The following CDCP1 variants were observed in gnomAD, a reference collection of about 807,000 sequenced individuals.
CDCP1 encodes CUB domain containing protein 1.
Under a neutral mutation model 60.2 loss-of-function variants are expected in CDCP1, and 29 were observed. That is an observed-to-expected ratio of 0.48 (90% CI 0.36 to 0.66). The LOEUF is 0.66. CDCP1 is among the 30% of genes least tolerant of loss of function. The pLI, the probability that CDCP1 is intolerant of heterozygous loss-of-function variation, is 0.00. For missense variants in CDCP1, 876 were observed against 1,074.3 expected, an observed-to-expected ratio of 0.82 and a Z score of 2.58; for synonymous variants, 387 against 431.1, an observed-to-expected ratio of 0.90 and a Z score of 1.27.
chr3:45,143,321 G>C (rs1272927597), intron 1 of CDCP1, among the ~76,000 whole-genome samples: 1 of 152,150 alleles, frequency 6.6e-6, no homozygotes, highest in Non-Finnish European at 1.5e-5. Context: ...TGAGGATAAT[G>C]GTTCATCCTT....
intron 7 of CDCP1, among the ~76,000 whole-genome samples, 163 bp from the exon 8 acceptor site, chr3:45,089,304 T>A (rs1698252141): frequency 6.6e-6 from 1 of 152,210 alleles, no homozygotes; most frequent in African/African-American, 2.4e-5. Context: ...AAAGTGTTTA[T>A]TTCCTTTCCT....
chr3:45,122,705 C>T (rs146949617), intron 1 of CDCP1, among the ~76,000 whole-genome samples: 2,052 of 152,248 alleles, frequency 0.013, 51 homozygotes, highest in African/African-American at 0.045. Flanking sequence ...TTGCCCACCT[C>T]GGCCTCCCAA....
In CDCP1 at chr3:45,091,565, C is replaced by A; in HGVS notation, c.1628-27G>T. ...TGCAGGAAAGGGAGGGAGATCCAGA[C>A]AGATGTTTCATTCAGTCAACATGGA... On this transcript the variant is annotated intron_variant, in intron 6 of 8. Coordinates refer to ENST00000296129, the MANE Select transcript of CDCP1 (RefSeq NM_022842.5). This position sits in a 1 kb window ranked among gnomAD's most constrained non-coding sequence, Gnocchi z 4.8. The A allele has an allele frequency of 6.4e-7, 1 of 1,566,390 alleles. No individual in the cohort carries two copies. The highest frequency in any genetic ancestry group is 8.6e-7 in the Non-Finnish European group (1 of 1,159,330).
intron 2 of CDCP1, among the ~76,000 whole-genome samples, chr3:45,113,264 C>T: frequency 6.6e-6 from 1 of 152,240 alleles, no homozygotes. Flanking sequence ...TCTTCTTGCA[C>T]TGCCTTAATG....
intron 4 of CDCP1, among the ~76,000 whole-genome samples, chr3:45,104,867 A>G (rs1017198136): frequency 6.6e-6 from 1 of 152,350 alleles, no homozygotes; most frequent in African/African-American, 2.4e-5. Context: ...CAGTCTGACC[A>G]ACATGGAGAA....
chr3:45,120,745 G>T (rs1698868089), intron 1 of CDCP1, among the ~76,000 whole-genome samples: 1 of 152,114 alleles, frequency 6.6e-6, no homozygotes, highest in Non-Finnish European at 1.5e-5. Context: ...CTTCTTTCTT[G>T]AACACACCAA....
chr3:45,134,255 G>A (rs1358464195), intron 1 of CDCP1, among the ~76,000 whole-genome samples: 11 of 152,002 alleles, frequency 7.2e-5, no homozygotes. Flanking sequence ...CTCCTGAGTA[G>A]CTGAGACTAC....
In CDCP1 at chr3:45,093,140, A is replaced by C. The variant is rs568905121; in HGVS notation, c.1627+137T>G. 9 of 982,342 alleles carry C rather than the reference A, an allele frequency of 9.2e-6. No individual in the cohort carries two copies. In the East Asian group the frequency reaches 2.2e-4, roughly 24 times the overall value. The allele number at this position is 982,342 out of a possible 1,614,324, so 60.9% of individuals were successfully genotyped here. ...TCAGGATTAGGACTCACTATCTTTC[A>C]AATTTCTTGTGCAAGGACCAGCATA... On this transcript the variant is annotated intron_variant, in intron 6 of 8. Transcript: ENST00000296129.
chr3:45,120,961 T>C (rs2126001393), intron 1 of CDCP1, among the ~76,000 whole-genome samples: 1 of 152,160 alleles, frequency 6.6e-6, no homozygotes, highest in Non-Finnish European at 1.5e-5. Context: ...GTCCGTGAGC[T>C]CCTACAGGAG....
At chr3:45,098,470 C>G (rs1037302535) in intron 4 of CDCP1, among the ~76,000 whole-genome samples, 8 of 152,260 alleles carry the variant, frequency 5.3e-5, no homozygotes, top group Non-Finnish European at 1.2e-4. Flanking sequence ...AAAACATGCT[C>G]TGTTCCATTG....
chr3:45,140,996 T>C (rs1244617648), intron 1 of CDCP1, among the ~76,000 whole-genome samples: 6 of 151,364 alleles, frequency 4.0e-5, no homozygotes, highest in Non-Finnish European at 2.9e-5. Context: ...AGGCCAGGAG[T>C]TTGAGGCCAG....
intron 1 of CDCP1, chr3:45,139,593 A>G (rs1036789818): frequency 6.6e-6 from 1 of 152,248 alleles, no homozygotes; most frequent in African/African-American, 2.4e-5. Context: ...ACTCAGAGGC[A>G]ATAGTGACCG....
Position 45,085,139 on chromosome 3 carries a change from G to A in CDCP1, c.*499C>T, listed in dbSNP as rs577175008. 1 of 153,658 alleles carries A rather than the reference G, an allele frequency of 6.5e-6. No individual in the cohort carries two copies. Among genetic ancestry groups the A allele is most frequent in the African/African-American group, 2.4e-5 (1 of 41,576 alleles). The allele number at this position is 153,658 out of a possible 1,614,324, so 9.5% of individuals were successfully genotyped here. A position where few individuals can be genotyped will look rare whatever the true frequency, so the allele number is the denominator to read the frequency against. ...TTAGTATGAGTTATTACTAAGTCAGGTGAAAAGAGCTAGGTGGTTATACAT... is the reference window on the plus strand; with the variant it reads ...TTAGTATGAGTTATTACTAAGTCAGATGAAAAGAGCTAGGTGGTTATACAT... On this transcript the variant is annotated 3_prime_UTR_variant, in exon 9 of 9. Transcript: ENST00000296129. This position sits in a 1 kb window ranked among gnomAD's most constrained non-coding sequence, Gnocchi z 4.2.
intron 1 of CDCP1, among the ~76,000 whole-genome samples, chr3:45,134,468 A>G (rs1161229916): frequency 6.6e-6 from 1 of 152,056 alleles, no homozygotes; most frequent in African/African-American, 2.4e-5. Flanking sequence ...CCTCTTGATC[A>G]CTCAGGGGAC....
chr3:45,123,613 ATACT>A (rs778132253), intron 1 of CDCP1, among the ~76,000 whole-genome samples: 7 of 152,164 alleles, frequency 4.6e-5, no homozygotes, highest in Non-Finnish European at 8.8e-5. Context: ...CACCTTGTAC[ATACT>A]TGAAATGTGG....
intron 1 of CDCP1, among the ~76,000 whole-genome samples, chr3:45,131,889 G>A (rs1026114054): frequency 1.3e-5 from 2 of 152,038 alleles, no homozygotes; most frequent in African/African-American, 2.4e-5. Flanking sequence ...ACACTGCTGC[G>A]GGCAGGCCTG....
In CDCP1 at chr3:45,095,548, A is replaced by C. The variant is rs780108607; in HGVS notation, c.1045T>G (p.Leu349Val). The C allele has an allele frequency of 2.5e-6, 4 of 1,613,972 alleles. No homozygotes were observed. In the Admixed American group the frequency reaches 6.7e-5, roughly 27 times the overall value. ...AGTGACATGGCTCGCTCATTACTCA[A>C]GTCAACCACGTAGATTTTATCTGAA... ...NESNKIYVVD[L>V]SNERAMSLTI... Residue 349 changes from leucine (L) to valine (V), a missense_variant, in exon 5 of 9, where the codon TTG (leucine) becomes GTG (valine). By Grantham distance (32) the Leu-to-Val change is conservative. This residue lies in a region of CDCP1 where 726 missense variants were observed against 935.7 expected (regional missense o/e 0.78). Coordinates refer to ENST00000296129, the MANE Select transcript of CDCP1 (RefSeq NM_022842.5).
At chr3:45,110,372 C>T in intron 4 of CDCP1, 101 bp downstream of exon 4, 3 of 1,500,682 alleles carry the variant, frequency 2.0e-6, no homozygotes, top group Middle Eastern at 2.4e-4. Context: ...GTTTCAGAAG[C>T]CACAGATGAG....
intron 4 of CDCP1, among the ~76,000 whole-genome samples, chr3:45,097,749 A>G (rs1312802036): frequency 6.6e-6 from 1 of 152,230 alleles, no homozygotes; most frequent in East Asian, 1.9e-4. Flanking sequence ...GTGTCAAATT[A>G]GTAGCACAAT....
Sources: allele counts gnomAD v4.1 joint callset (sites outside exome capture counted in the v4.1 genomes callset), GRCh38; gene constraint gnomAD v4.1.1; regional missense constraint gnomAD v4.1.1; non-coding constraint Gnocchi (gnomAD v3.1); transcripts MANE v1.5; gene names NCBI Gene and HGNC (gene_info 2026-07-23, HGNC 2026-07-21).